LOXHD1: variants seen among roughly 807,000 people sequenced by gnomAD.
LOXHD1 encodes lipoxygenase homology PLAT domains 1.
A neutral mutation model predicts 248.2 loss-of-function variants in LOXHD1; 205 were observed. The observed-to-expected ratio is 0.83, with a 90% CI of 0.74 to 0.93. LOXHD1 has a LOEUF of 0.93. Among genes scored for constraint, LOXHD1 ranks in the 40% least tolerant of loss-of-function variants. LOXHD1 has a pLI of 0.00. For missense variants in LOXHD1, 2,930 were observed against 2,971.6 expected (o/e 0.99, Z 0.33); for synonymous variants, 1,113 against 1,162.8 (o/e 0.96, Z 0.87).
chr18:46,581,735 C>A (rs916408099), intron 12 of LOXHD1, among the ~76,000 whole-genome samples: 2 of 152,180 alleles, frequency 1.3e-5, no homozygotes, highest in Non-Finnish European at 2.9e-5. Flanking sequence ...TCAAAGAGAT[C>A]TACACCTAGA....
At chr18:46,551,760 G>A (rs2037114681) in intron 21 of LOXHD1, among the ~76,000 whole-genome samples, 1 of 152,176 alleles carries the variant, frequency 6.6e-6, no homozygotes, top group Non-Finnish European at 1.5e-5. Context: ...AGGGATGTGA[G>A]GCTGTGTGCA....
intron 10 of LOXHD1, among the ~76,000 whole-genome samples, 157 bp downstream of exon 10, chr18:46,593,443 C>T (rs1463936066): frequency 6.6e-6 from 1 of 152,204 alleles, no homozygotes; most frequent in Non-Finnish European, 1.5e-5. Flanking sequence ...TACAAATCAT[C>T]AAATTTGTCT....
At chr18:46,568,368 T>C (rs945014007) in intron 16 of LOXHD1, among the ~76,000 whole-genome samples, 1 of 152,216 alleles carries the variant, frequency 6.6e-6, no homozygotes, top group African/African-American at 2.4e-5. Context: ...ATTCTCACCT[T>C]GGCCAAACTC....
chr18:46,589,380 C>T (rs552432512), intron 12 of LOXHD1, among the ~76,000 whole-genome samples: 5 of 152,240 alleles, frequency 3.3e-5, no homozygotes, highest in Admixed American at 2.0e-4. Context: ...AAGCAAGGAG[C>T]CCCCTGGCCC....
chr18:46,483,295 C>A (rs571892550), intron 40 of LOXHD1, among the ~76,000 whole-genome samples: 2 of 152,272 alleles, frequency 1.3e-5, no homozygotes, highest in African/African-American at 4.8e-5. Flanking sequence ...CTCTCTGGCA[C>A]TGTTTGACTT....
Position 46,533,260 on chromosome 18 carries a change from G to A in LOXHD1, c.4277C>T (p.Thr1426Ile), listed in dbSNP as rs1327399020. 5 of 1,551,604 alleles carry A rather than the reference G, an allele frequency of 3.2e-6. No homozygotes were observed. Among genetic ancestry groups the A allele is most frequent in the Non-Finnish European group, 4.4e-6 (5 of 1,147,004 alleles). ...GTCATATGGAACCAGTTCTCGAATG[G>A]TCTTTTTGTCATCCTCAGAGGTGGC... ...WLATSEDDKKTIRELVPYDIF... is the reference protein window; with the variant it reads ...WLATSEDDKKIIRELVPYDIF... The change falls in exon 28 of 41, where the codon ACC becomes ATC. Residue 1426 changes from threonine to isoleucine, a missense_variant. Thr to Ile is a moderately conservative substitution (Grantham distance 89). Coordinates refer to ENST00000642948, the MANE Select transcript of LOXHD1 (RefSeq NM_001384474.1).
chr18:46,557,827 G>A (rs1389667914), intron 20 of LOXHD1: 9 of 1,280,428 alleles, frequency 7.0e-6, no homozygotes, highest in Non-Finnish European at 9.1e-6. Flanking sequence ...CAAGAGAGGG[G>A]GGTGCACTGA....
intron 8 of LOXHD1, among the ~76,000 whole-genome samples, chr18:46,596,592 A>C (rs2038259880): frequency 6.6e-6 from 1 of 152,260 alleles, no homozygotes; most frequent in South Asian, 2.1e-4. Context: ...AAAAATCTGC[A>C]AAGAGAAGCC....
At chr18:46,638,116 A>G (rs891320596) in intron 4 of LOXHD1, among the ~76,000 whole-genome samples, 2 of 152,210 alleles carry the variant, frequency 1.3e-5, no homozygotes, top group African/African-American at 4.8e-5. Context: ...ATGGCACAGA[A>G]GTAGTCATGC....
chr18:46,561,156 C>T (rs754660354), intron 18 of LOXHD1, among the ~76,000 whole-genome samples: 9 of 152,218 alleles, frequency 5.9e-5, no homozygotes, highest in Admixed American at 1.3e-4. Context: ...AGCACATGGC[C>T]TCAGCCTGAC....
At chr18:46,518,863 C>T (rs1340205243) in intron 33 of LOXHD1, 4 of 985,092 alleles carry the variant, frequency 4.1e-6, no homozygotes, top group African/African-American at 1.7e-5. Flanking sequence ...GGGGTGCCAT[C>T]GGGAGTGATT....
chr18:46,521,016 C>T (rs2144123041), intron 33 of LOXHD1, 81 bp downstream of exon 33: 1 of 1,470,698 alleles, frequency 6.8e-7, no homozygotes, highest in African/African-American at 1.4e-5. Context: ...CTACTTCTTC[C>T]ACTTCTGTCT....
intron 38 of LOXHD1, among the ~76,000 whole-genome samples, 192 bp from the exon 39 acceptor site, chr18:46,485,343 G>A (rs1325474163): frequency 1.3e-5 from 2 of 151,896 alleles, no homozygotes; most frequent in Non-Finnish European, 2.9e-5. Flanking sequence ...GGGCTACAGC[G>A]AATGCTCTCA....
At chr18:46,500,855 C>T (rs34900262) in intron 37 of LOXHD1, among the ~76,000 whole-genome samples, 5,274 of 152,244 alleles carry the variant, frequency 0.035, 132 homozygotes, top group South Asian at 0.059. Context: ...TTTAAGCGAA[C>T]ACCACACTTC....
At chr18:46,623,909 G>C (rs2038703150) in intron 4 of LOXHD1, among the ~76,000 whole-genome samples, 2 of 152,246 alleles carry the variant, frequency 1.3e-5, no homozygotes. Context: ...GAGCTGGTGA[G>C]GCTGCTTGCC....
At chr18:46,588,538 CT>C (rs547560459) in intron 12 of LOXHD1, among the ~76,000 whole-genome samples, 247 of 152,322 alleles carry the variant, frequency 1.6e-3, no homozygotes, top group Non-Finnish European at 3.0e-3. Flanking sequence ...TCTCCTCCAC[CT>C]CCTGACATGG....
intron 20 of LOXHD1, chr18:46,558,086 A>G (rs1462263758): frequency 1.0e-6 from 1 of 985,416 alleles, no homozygotes. Flanking sequence ...CTTGGATATA[A>G]CTTTTTTGAC....
chr18:46,578,644 T>A (rs1425841639), intron 13 of LOXHD1, among the ~76,000 whole-genome samples: 2 of 152,172 alleles, frequency 1.3e-5, no homozygotes, highest in Non-Finnish European at 2.9e-5. Flanking sequence ...ATTCCAGGGC[T>A]TTCCCTGACC....
chr18:46,491,482 T>G lies in LOXHD1; in HGVS notation c.5879-2340A>C, dbSNP rs143055654. Among the ~76,000 whole-genome samples, 556 of 152,336 alleles carry G rather than the reference T, an allele frequency of 3.6e-3. 5 individuals are homozygous for G. Among genetic ancestry groups the G allele is most frequent in the African/African-American group, 0.013 (533 of 41,570 alleles). ...CCTAGAGCGACACCTTGAGAACTAC[T>G]GATTCAATGTATCAGGACCAGAGTC... On this transcript the variant is annotated intron_variant, in intron 37 of 40. Coordinates refer to ENST00000642948, the MANE Select transcript of LOXHD1 (RefSeq NM_001384474.1).
Sources: allele counts gnomAD v4.1 joint callset (sites outside exome capture counted in the v4.1 genomes callset), GRCh38; gene constraint gnomAD v4.1.1; transcripts MANE v1.5; gene names NCBI Gene and HGNC (gene_info 2026-07-23, HGNC 2026-07-21).